Variants in SPAST observed in about 807,000 individuals in gnomAD.
The protein encoded by SPAST is spastin.
Under a neutral mutation model 76.6 loss-of-function variants are expected in SPAST, and 30 were observed. The ratio of observed to expected loss-of-function variants is 0.39; its 90% CI spans 0.29 to 0.53. The LOEUF is 0.53. SPAST is among the 20% of genes least tolerant of loss of function. The pLI is 0.68. For missense variants in SPAST, 717 were observed against 770.5 expected (o/e 0.93, Z 0.82); for synonymous variants, 305 against 281.0 (o/e 1.09, Z -0.86).
At chr2:32,143,580 T>TTA (rs772786713) in intron 14 of SPAST, among the ~76,000 whole-genome samples, 165 bp downstream of exon 14, 50 of 152,146 alleles carry the variant, frequency 3.3e-4, no homozygotes, top group Admixed American at 7.2e-4. Context: ...CCTCTTGTTC[T>TTA]TATATATATA....
intron 9 of SPAST, among the ~76,000 whole-genome samples, chr2:32,136,030 A>T (rs369104607): frequency 6.6e-6 from 1 of 151,372 alleles, no homozygotes; most frequent in Non-Finnish European, 1.5e-5. Context: ...GTGAGCCGAG[A>T]TTGCACCACT....
At chr2:32,082,504 C>G (rs1677278216) in intron 1 of SPAST, among the ~76,000 whole-genome samples, 1 of 151,988 alleles carries the variant, frequency 6.6e-6, no homozygotes, top group African/African-American at 2.4e-5. Flanking sequence ...CGAGACCAGC[C>G]TGACCAACAT....
rs147765847 is a variant in SPAST, at chr2:32,133,146, A to G, written c.1246-3417A>G. Among the ~76,000 whole-genome samples, 909 of 152,340 alleles carry G rather than the reference A, an allele frequency of 6.0e-3. 8 individuals carry two copies. Among genetic ancestry groups the G allele is most frequent in the Non-Finnish European group, 0.011 (736 of 68,026 alleles). ...GGGAGGAACTGCATCATAGTCATGG[A>G]CAACATTTGTGTTATTAAAATATCT... On this transcript the variant is annotated intron_variant, in intron 9 of 16. Coordinates refer to ENST00000315285, the MANE Select transcript of SPAST (RefSeq NM_014946.4).
chr2:32,083,924 A>G (rs1055983539), intron 1 of SPAST, among the ~76,000 whole-genome samples: 4 of 149,632 alleles, frequency 2.7e-5, no homozygotes, highest in African/African-American at 7.4e-5. Context: ...GACTACAGAC[A>G]CATGCCACCA....
In SPAST at chr2:32,115,834, A is replaced by C; in HGVS notation, c.1003A>C (p.Asn335His). The C allele has an allele frequency of 1.9e-6, 3 of 1,606,978 alleles. No individual in the cohort carries two copies. Among genetic ancestry groups the C allele is most frequent in the Admixed American group, 3.3e-5 (2 of 59,786 alleles). The part of the protein sequence containing the change: ...ANLIMNEIVD[N>H]GTAVKFDDIA... ...CCTTATAATGAATGAAATTGTGGACAAGTAAGTTTTGCCATCTAAATGTTT... is the reference window on the plus strand; with the variant it reads ...CCTTATAATGAATGAAATTGTGGACCAGTAAGTTTTGCCATCTAAATGTTT... Residue 335 changes from asparagine to histidine, a missense_variant and splice_region_variant, in exon 6 of 17, where the codon AAT (asparagine) becomes CAT (histidine). Physicochemically the swap from Asn to His is moderately conservative, Grantham distance 68 (BLOSUM62 1). This residue lies in a region of SPAST where 543 missense variants were observed against 445.2 expected (regional missense o/e 1.22). Transcript: ENST00000315285.
intron 16 of SPAST, among the ~76,000 whole-genome samples, chr2:32,152,754 G>T (rs912503215): frequency 4.2e-5 from 6 of 143,762 alleles, no homozygotes; most frequent in Non-Finnish European, 4.6e-5. Context: ...GGTTTTTGGG[G>T]TTTTTTTTTT....
intron 4 of SPAST, among the ~76,000 whole-genome samples, chr2:32,112,270 A>G (rs145040740): frequency 7.9e-5 from 12 of 151,192 alleles, no homozygotes; most frequent in East Asian, 5.8e-4. Context: ...ATTATTGACT[A>G]TTGATGCCCT....
At chr2:32,139,850 AG>A (rs1679660093) in intron 12 of SPAST, among the ~76,000 whole-genome samples, 1 of 150,736 alleles carries the variant, frequency 6.6e-6, no homozygotes, top group Non-Finnish European at 1.5e-5. Context: ...AAAAAAAAAA[AG>A]AAAAAAAAAA....
At chr2:32,137,275 A>C in intron 12 of SPAST, 87 bp downstream of exon 12, 1 of 1,059,436 alleles carries the variant, frequency 9.4e-7, no homozygotes, top group East Asian at 2.4e-5. Context: ...CCTTACTCTC[A>C]GTTTTAAGAC....
chr2:32,066,943 C>T (rs1676535866), intron 1 of SPAST, among the ~76,000 whole-genome samples: 1 of 118,496 alleles, frequency 8.4e-6, no homozygotes, highest in African/African-American at 3.4e-5. Context: ...AACTGCACTC[C>T]GAACTGGGTG....
At chr2:32,083,776 ATTTTTT>A (rs1178658126) in intron 1 of SPAST, among the ~76,000 whole-genome samples, 1 of 46,072 alleles carries the variant, frequency 2.2e-5, no homozygotes, top group Non-Finnish European at 3.7e-5. Flanking sequence ...ATATATATAT[ATTTTTT>A]TTTTTTTTTG....
intron 1 of SPAST, among the ~76,000 whole-genome samples, chr2:32,072,339 G>A (rs753897610): frequency 1.3e-5 from 2 of 152,152 alleles, no homozygotes; most frequent in Admixed American, 6.6e-5. Context: ...CACTGTGCCC[G>A]GCCTCAAAAT....
At chr2:32,142,370 A>G (rs1363730225) in intron 13 of SPAST, among the ~76,000 whole-genome samples, 1 of 152,226 alleles carries the variant, frequency 6.6e-6, no homozygotes, top group Non-Finnish European at 1.5e-5. Context: ...TATATGTCGC[A>G]TATCATAGGA....
intron 16 of SPAST, among the ~76,000 whole-genome samples, chr2:32,150,583 A>G (rs1043640569): frequency 6.6e-6 from 1 of 151,856 alleles, no homozygotes; most frequent in East Asian, 1.9e-4. Flanking sequence ...GACTACGGGC[A>G]TGTACCACCA....
intron 7 of SPAST, among the ~76,000 whole-genome samples, chr2:32,122,340 G>A (rs1171968508): frequency 6.6e-6 from 1 of 152,058 alleles, no homozygotes; most frequent in Non-Finnish European, 1.5e-5. Flanking sequence ...GTTTTGTTTT[G>A]AGACAGAGTC....
intron 16 of SPAST, among the ~76,000 whole-genome samples, chr2:32,150,952 T>G (rs1180289643): frequency 1.6e-5 from 1 of 60,996 alleles, no homozygotes; most frequent in Non-Finnish European, 3.4e-5. Context: ...TACTGTATAC[T>G]TTTTTTTTTG....
intron 13 of SPAST, among the ~76,000 whole-genome samples, chr2:32,142,786 T>A (rs1365602992): frequency 2.0e-5 from 3 of 152,114 alleles, no homozygotes; most frequent in African/African-American, 7.2e-5. Flanking sequence ...CAGGTATGAG[T>A]GAACTAAAAA....
rs1239726984 is a variant in SPAST at position 32,110,611 on chromosome 2, ATATAGTGTATATATAGTATATG to A, written c.683-4024_683-4003del. Reference sequence around the variant, plus strand: ...ATATATCGTATATACACTATATACTATATAGTGTATATATAGTATATGTAGTATATATAGTATATATAGTATA... The same window carrying A: ...ATATATCGTATATACACTATATACTATAGTATATATAGTATATATAGTATA... On this transcript the variant is annotated intron_variant, in intron 4 of 16. Transcript: ENST00000315285. 5.2e-3 allele frequency among the ~76,000 whole-genome samples: 713 copies of A among 136,230 alleles called. 8 individuals are homozygous for A. Among genetic ancestry groups the A allele is most frequent in the African/African-American group, 0.018 (676 of 36,894 alleles). The allele number at this position is 136,230 out of a possible 152,430, so 89.4% of individuals were successfully genotyped here.
At chr2:32,153,474 C>T (rs57738570) in intron 16 of SPAST, among the ~76,000 whole-genome samples, 129 of 152,000 alleles carry the variant, frequency 8.5e-4, no homozygotes, top group African/African-American at 2.9e-3. Flanking sequence ...CAGGCACCTG[C>T]CTGGCTAATT....
Sources: gnomAD v4.1 joint callset for allele counts (sites outside exome capture counted in the v4.1 genomes callset) on GRCh38, gnomAD v4.1.1 for gene constraint, gnomAD v4.1.1 regional missense constraint, MANE v1.5 for transcripts, NCBI Gene and HGNC (gene_info 2026-07-23, HGNC 2026-07-21) for gene names.